HSPA4: variants seen among roughly 807,000 people sequenced by gnomAD.
HSPA4 encodes the protein heat shock 70 kDa protein 4.
HSPA4 carries 25 observed loss-of-function variants against 106.2 expected under a neutral mutation model. The ratio of observed to expected loss-of-function variants is 0.24; its 90% CI spans 0.17 to 0.33. HSPA4 has a LOEUF of 0.33. Ranked by LOEUF, HSPA4 falls within the 10% of genes least tolerant of loss-of-function variation. The probability of loss-of-function intolerance (pLI) is 1.00; values close to 1 mark genes in which losing one functional copy is unlikely to be tolerated. For missense variants in HSPA4, 841 were observed against 996.0 expected (o/e 0.84, Z 2.10); for synonymous variants, 332 against 333.6 (o/e 1.00, Z 0.05).
At chr5:133,100,490 G>A (rs1765771141) in intron 16 of HSPA4, among the ~76,000 whole-genome samples, 1 of 151,878 alleles carries the variant, frequency 6.6e-6, no homozygotes, top group Non-Finnish European at 1.5e-5. Context: ...TCCGCCTCCC[G>A]GGTTCACGCC....
At chr5:133,082,752 C>T (rs1273737642) in intron 7 of HSPA4, among the ~76,000 whole-genome samples, 3 of 152,188 alleles carry the variant, frequency 2.0e-5, no homozygotes, top group Non-Finnish European at 4.4e-5. Context: ...TGAGCCACCT[C>T]ACCCGGACGG....
At chr5:133,068,515 G>A (rs1765340435) in intron 3 of HSPA4, among the ~76,000 whole-genome samples, 1 of 152,136 alleles carries the variant, frequency 6.6e-6, no homozygotes, top group Admixed American at 6.6e-5. Flanking sequence ...CAGGAGAACA[G>A]GCTGGAAAGC....
At chr5:133,058,697 C>A (rs535687027) in intron 1 of HSPA4, among the ~76,000 whole-genome samples, 1 of 150,136 alleles carries the variant, frequency 6.7e-6, no homozygotes, top group Non-Finnish European at 1.5e-5. Flanking sequence ...AAAAACAAAA[C>A]CAAAACAAAA....
At position 133,055,875 on chromosome 5, in the gene HSPA4, C is replaced by T. The variant is rs575405581; in HGVS notation, c.107+3518C>T. Among the ~76,000 whole-genome samples the T allele has an allele frequency of 7.0e-4, 106 of 152,096 alleles. 2 individuals carry two copies. Among genetic ancestry groups the T allele is most frequent in the South Asian group, 2.7e-3 (13 of 4,810 alleles). ...GGAGGATCGCTTGAGGTCAGGAGTT[C>T]GCAACCAGCCTGGCCAACATGCTGG... On this transcript the variant is annotated intron_variant, in intron 1 of 18. Transcript: ENST00000304858.
At chr5:133,103,202 T>C (rs1765811101) in intron 17 of HSPA4, among the ~76,000 whole-genome samples, 1 of 151,912 alleles carries the variant, frequency 6.6e-6, no homozygotes, top group African/African-American at 2.4e-5. Context: ...GCTGGGACTA[T>C]AGGCACATGG....
chr5:133,080,417 C>CAAAA (rs33998797), intron 7 of HSPA4, among the ~76,000 whole-genome samples: 9 of 68,116 alleles, frequency 1.3e-4, no homozygotes, highest in African/African-American at 2.7e-4. Flanking sequence ...GACCCTGTCT[C>CAAAA]AAAAAAAAAA....
chr5:133,064,503 G>GA (rs35953812), intron 1 of HSPA4, among the ~76,000 whole-genome samples: 8,848 of 144,372 alleles, frequency 0.061, 513 homozygotes, highest in African/African-American at 0.16. Context: ...GAGACTCTTG[G>GA]AAAAAAAAAA....
intron 1 of HSPA4, among the ~76,000 whole-genome samples, chr5:133,062,036 C>T (rs991345042): frequency 1.3e-5 from 2 of 152,118 alleles, no homozygotes; most frequent in African/African-American, 4.8e-5. Context: ...GCATTTCAGA[C>T]GTCAAAAGTG....
At chr5:133,061,146 G>C (rs1357265288) in intron 1 of HSPA4, among the ~76,000 whole-genome samples, 1 of 145,248 alleles carries the variant, frequency 6.9e-6, no homozygotes, top group African/African-American at 2.6e-5. Flanking sequence ...TTTTTGAGAC[G>C]GAGTCTTGCC....
intron 18 of HSPA4, 43 bp from the exon 19 acceptor site, chr5:133,104,190 G>T (rs1765825875): frequency 6.3e-7 from 1 of 1,580,286 alleles, no homozygotes; most frequent in African/African-American, 1.4e-5. Context: ...TGTAAAATTT[G>T]TTAATTTTAT....
At position 133,088,504 on chromosome 5, in the gene HSPA4, T is replaced by C. The variant is rs1765606376; in HGVS notation, c.1086T>C (p.Leu362=). ...TCAGCAAATTTTTCGGTAAAGAACT[T>C]AGTACAACATTAAATGCTGATGAAG... ...EKISKFFGKE[L]STTLNADEAV... The change falls in exon 9 of 19, where the codon CTT becomes CTC. Residue 362 remains leucine (L), a synonymous_variant. Transcript: ENST00000304858. 6 of 1,613,838 alleles carry C rather than the reference T, an allele frequency of 3.7e-6. No homozygotes were observed. The highest frequency in any genetic ancestry group is 5.1e-6 in the Non-Finnish European group (6 of 1,179,816).
rs1765828954 is a variant in HSPA4 at position 133,104,388 on chromosome 5, T to C, written c.2475T>C (p.Ala825=). Residue 825 remains alanine, a synonymous_variant, in exon 19 of 19, where the codon GCT becomes GCC. Coordinates refer to ENST00000304858, the MANE Select transcript of HSPA4 (RefSeq NM_002154.4). The part of the protein sequence containing the change: ...PQAAEQGTDT[A]VPSDSDKKLP... ...CTGCTGAGCAGGGTACAGACACAGC[T>C]GTGCCTTCGGATTCAGACAAGAAGC... is the stretch of plus-strand genomic sequence containing the variant. 3.1e-6 allele frequency: 5 copies of C among 1,614,090 alleles called. No individual in the cohort carries two copies. In the Admixed American group the frequency reaches 8.3e-5, roughly 27 times the overall value.
chr5:133,103,071 C>CT (rs1442453544), intron 17 of HSPA4, among the ~76,000 whole-genome samples: 1 of 150,914 alleles, frequency 6.6e-6, no homozygotes, highest in African/African-American at 2.4e-5. Flanking sequence ...TTTCCTCCTT[C>CT]TTTTTTGTGA....
In HSPA4 at chr5:133,076,877, A is replaced by T. The variant is rs1035743619; in HGVS notation, c.887A>T (p.Asp296Val). Residue 296 changes from aspartate to valine, a missense_variant, in exon 7 of 19, where the codon GAT becomes GTT. This residue lies in a region of HSPA4 where 347 missense variants were observed against 408.7 expected (regional missense o/e 0.85). Coordinates refer to ENST00000304858, the MANE Select transcript of HSPA4 (RefSeq NM_002154.4). The stretch of plus-strand genomic sequence containing the variant: ...ATTGAATGTTTTATGAATGATGTTG[A>T]TGTATCTGGAACTATGAATAGGTAA... ...LSIECFMNDV[D>V]VSGTMNRGKF... 1.9e-6 allele frequency: 3 copies of T among 1,611,514 alleles called. No homozygotes were observed. Among genetic ancestry groups the T allele is most frequent in the Non-Finnish European group, 2.5e-6 (3 of 1,177,758 alleles).
rs1414117556 is a variant in HSPA4 at position 133,104,318 on chromosome 5, A to G, written c.2405A>G (p.Gln802Arg). The part of the protein sequence containing the change: ...PPKEEQKNAE[Q>R]NGPVDGQGDN... ...AAAGAGGAACAAAAAAATGCAGAGC[A>G]GAATGGACCAGTGGATGGACAAGGA... Residue 802 changes from glutamine to arginine, a missense_variant, in exon 19 of 19, where the codon CAG (glutamine) becomes CGG (arginine). Physicochemically the swap from Gln to Arg is conservative, Grantham distance 43. Around this residue, in one of 5 missense-constraint regions of HSPA4, gnomAD observed 328 missense variants for 372.2 expected, o/e 0.88. Coordinates refer to ENST00000304858, the MANE Select transcript of HSPA4 (RefSeq NM_002154.4). 2.5e-6 allele frequency: 4 copies of G among 1,614,116 alleles called. No homozygotes were observed. Among genetic ancestry groups the G allele is most frequent in the African/African-American group, 1.3e-5 (1 of 74,954 alleles).
At position 133,106,203 on chromosome 5, in the gene HSPA4, T is replaced by C. The variant is rs141272770; in HGVS notation, c.*1767T>C. On this transcript the variant is annotated 3_prime_UTR_variant, in exon 19 of 19. Coordinates refer to ENST00000304858, the MANE Select transcript of HSPA4 (RefSeq NM_002154.4). ...GCTGGGATGGGGGTGAATTTCAAGT[T>C]GAAACACGATGATGTGGTCTGCTTG... is the stretch of plus-strand genomic sequence containing the variant. 5.2e-5 allele frequency: 7 copies of C among 133,496 alleles called. No individual in the cohort carries two copies. Among genetic ancestry groups the C allele is most frequent in the South Asian group, 2.5e-4 (1 of 3,922 alleles). 8.3% of individuals were successfully genotyped at this position (133,496 alleles called of 1,614,324 possible).
intron 11 of HSPA4, among the ~76,000 whole-genome samples, chr5:133,090,109 C>T (rs1765627227): frequency 6.6e-6 from 1 of 152,060 alleles, no homozygotes. Context: ...TAACGAAATT[C>T]AGTTTGGACC....
chr5:133,064,069 G>A (rs1561576856), intron 1 of HSPA4, among the ~76,000 whole-genome samples: 1 of 152,216 alleles, frequency 6.6e-6, no homozygotes, highest in Non-Finnish European at 1.5e-5. Context: ...TTAAGCGTAA[G>A]CACAGAGTTT....
At chr5:133,071,696 C>G (rs1160107391) in intron 4 of HSPA4, among the ~76,000 whole-genome samples, 1 of 152,170 alleles carries the variant, frequency 6.6e-6, no homozygotes, top group East Asian at 1.9e-4. Flanking sequence ...AAAGCAAGGA[C>G]TGTTAGGTGG....
Sources: allele counts gnomAD v4.1 joint callset (sites outside exome capture counted in the v4.1 genomes callset), GRCh38; gene constraint gnomAD v4.1.1; regional missense constraint gnomAD v4.1.1; transcripts MANE v1.5; gene names NCBI Gene and HGNC (gene_info 2026-07-23, HGNC 2026-07-21).